Variants in OVCH1 observed in about 807,000 individuals in gnomAD.
OVCH1 encodes the protein ovochymase 1, also known as ovochymase-1.
Under a neutral mutation model 138.4 loss-of-function variants are expected in OVCH1, and 139 were observed. The ratio of observed to expected loss-of-function variants is 1.00; its 90% confidence interval spans 0.87 to 1.16. The LOEUF is 1.16. OVCH1 is among the 50% of genes most tolerant of loss of function. The pLI is 0.00. For missense variants in OVCH1, 1,367 were observed against 1,357.9 expected (o/e 1.01, Z -0.11); for synonymous variants, 453 against 467.8 (o/e 0.97, Z 0.41).
downstream of OVCH1, among the ~76,000 whole-genome samples, chr12:29,409,001 A>T (rs912013663): frequency 2.6e-5 from 4 of 152,106 alleles, no homozygotes; most frequent in Admixed American, 6.5e-5. Context: ...TTATTGGTCT[A>T]TTCAGAGATT....
At chr12:29,424,688 G>C (rs920174161), downstream of OVCH1, among the ~76,000 whole-genome samples, 3 of 152,002 alleles carry the variant, frequency 2.0e-5, no homozygotes, top group Non-Finnish European at 4.4e-5. Flanking sequence ...TCTGTGCCTC[G>C]ATAATCTCAT....
intron 3 of OVCH1, among the ~76,000 whole-genome samples, chr12:29,419,648 T>G (rs1282966624): frequency 6.6e-6 from 1 of 152,082 alleles, no homozygotes; most frequent in Non-Finnish European, 1.5e-5. Context: ...TTCTGTGCAT[T>G]ATTACAATTA....
In OVCH1 at chr12:29,496,919, C is replaced by T. The variant is rs750066925; in HGVS notation, c.65-245G>A. Among the ~76,000 whole-genome samples the T allele has an allele frequency of 2.6e-4, 39 of 152,226 alleles. 1 individual carries two copies. Among genetic ancestry groups the T allele is most frequent in the Non-Finnish European group, 5.0e-4 (34 of 68,048 alleles). On this transcript the variant is annotated intron_variant, in intron 1 of 27. Coordinates refer to ENST00000318184, the Ensembl canonical transcript of OVCH1. ...ACCACTGGGCAGGAAGGAGCCAGCG[C>T]TGCCTCTGGTAGGTGACTTGGGGCT...
intron 22 of OVCH1, among the ~76,000 whole-genome samples, chr12:29,446,621 T>C (rs575315818): frequency 6.6e-6 from 1 of 152,062 alleles, no homozygotes; most frequent in Non-Finnish European, 1.5e-5. Flanking sequence ...TAATCTACAA[T>C]GAAGTTAAGC....
At chr12:29,431,992 C>T (rs530900862) in intron 27 of OVCH1, among the ~76,000 whole-genome samples, 1 of 152,298 alleles carries the variant, frequency 6.6e-6, no homozygotes, top group South Asian at 2.1e-4. Context: ...ATGTCATTAC[C>T]TTTATTCAAA....
At chr12:29,487,968 C>T (rs2136076545) in intron 6 of OVCH1, 86 bp from the exon 7 acceptor site, 1 of 1,327,584 alleles carries the variant, frequency 7.5e-7, no homozygotes, top group Non-Finnish European at 1.0e-6. Context: ...GCACTCATCA[C>T]AAAGTGAAAA....
intron 5 of OVCH1, 89 bp downstream of exon 5, chr12:29,491,008 G>A (rs1385725466): frequency 5.9e-6 from 6 of 1,013,992 alleles, no homozygotes; most frequent in South Asian, 2.9e-5. Context: ...AATGATAAAT[G>A]TACTACTCAT....
At chr12:29,475,653 C>G (rs1942681184) in intron 13 of OVCH1, among the ~76,000 whole-genome samples, 1 of 152,108 alleles carries the variant, frequency 6.6e-6, no homozygotes, top group African/African-American at 2.4e-5. Context: ...ATAAATATTC[C>G]AAACCAATCT....
chr12:29,467,344 A>G (rs906626002), intron 16 of OVCH1, among the ~76,000 whole-genome samples: 2 of 152,152 alleles, frequency 1.3e-5, no homozygotes, highest in Non-Finnish European at 2.9e-5. Context: ...ACAGTCAGCA[A>G]ATATCCTTCA....
At chr12:29,434,209 A>G (rs1050639239) in intron 26 of OVCH1, among the ~76,000 whole-genome samples, 4 of 152,222 alleles carry the variant, frequency 2.6e-5, no homozygotes, top group Non-Finnish European at 4.4e-5. Flanking sequence ...TAGTACATTC[A>G]GGAAGTGAAT....
chr12:29,475,616 T>A (rs1164548472), intron 13 of OVCH1, among the ~76,000 whole-genome samples: 1 of 152,152 alleles, frequency 6.6e-6, no homozygotes, highest in African/African-American at 2.4e-5. Flanking sequence ...GGCATTGTGC[T>A]CTCACTAACC....
exon 23 of OVCH1, chr12:29,445,398 A>T: frequency 6.2e-7 from 1 of 1,607,584 alleles, no homozygotes; most frequent in Non-Finnish European, 8.5e-7. Flanking sequence ...CTTCCATGTA[A>T]TCCACCTAGG....
chr12:29,423,277 T>G (rs556280939), downstream of OVCH1: 1 of 455,950 alleles, frequency 2.2e-6, no homozygotes, highest in Non-Finnish European at 4.4e-6. Context: ...GATAAACTCT[T>G]TCTTGGAGCC....
At chr12:29,415,824 G>A (rs1191352560) in intron 3 of OVCH1, among the ~76,000 whole-genome samples, 3 of 152,038 alleles carry the variant, frequency 2.0e-5, no homozygotes, top group African/African-American at 7.2e-5. Context: ...ATACGAGAAA[G>A]CACAGACCTT....
At chr12:29,460,779 C>T (rs1942105270) in intron 19 of OVCH1, among the ~76,000 whole-genome samples, 1 of 151,904 alleles carries the variant, frequency 6.6e-6, no homozygotes, top group African/African-American at 2.4e-5. Flanking sequence ...CATCTCCTCC[C>T]TTTCCTACTG....
chr12:29,445,250 T>G, intron 23 of OVCH1, 28 bp downstream of exon 23: 1 of 1,580,870 alleles, frequency 6.3e-7, no homozygotes, highest in Non-Finnish European at 8.6e-7. Context: ...CTTTAGCCTT[T>G]ACAAGTTTAT....
At chr12:29,405,047 A>AAAC in the OVCH1 span, among the ~76,000 whole-genome samples, 1 of 148,484 alleles carries the variant, frequency 6.7e-6, no homozygotes, top group African/African-American at 2.5e-5. Flanking sequence ...AAAAAAAAAA[A>AAAC]AAAAAAAAAC....
At chr12:29,431,657 TATC>T (rs532272053) in intron 27 of OVCH1, among the ~76,000 whole-genome samples, 112 of 152,298 alleles carry the variant, frequency 7.4e-4, no homozygotes, top group African/African-American at 2.6e-3. Flanking sequence ...CACATAGACA[TATC>T]ATAATTTCTC....
At chr12:29,451,674 A>G in intron 21 of OVCH1, 105 bp from the exon 22 acceptor site, 1 of 845,298 alleles carries the variant, frequency 1.2e-6, no homozygotes, top group Non-Finnish European at 1.8e-6. Context: ...GGAGAAAATT[A>G]AGACTTTGTT....
Sources: gnomAD v4.1 joint callset for allele counts (sites outside exome capture counted in the v4.1 genomes callset) on GRCh38, gnomAD v4.1.1 for gene constraint, MANE v1.5 for transcripts, NCBI Gene and HGNC (gene_info 2026-07-23, HGNC 2026-07-21) for gene names.